KCNK13: variants seen among roughly 807,000 people sequenced by gnomAD.
KCNK13 encodes potassium two pore domain channel subfamily K member 13.
In KCNK13, 12 loss-of-function variants were observed where a neutral mutation model predicts 23.4. The observed-to-expected ratio is 0.51, with a 90% CI of 0.33 to 0.83. The LOEUF (loss-of-function observed/expected upper bound fraction) is 0.83. Ranked by LOEUF, KCNK13 falls within the 40% of genes least tolerant of loss-of-function variation. The pLI, the probability that KCNK13 is intolerant of heterozygous loss-of-function variation, is 0.02. For synonymous variants in KCNK13, 231 were observed against 229.5 expected (o/e 1.01, Z -0.06); for missense variants, 463 against 556.3 (o/e 0.83, Z 1.69).
intron 1 of KCNK13, among the ~76,000 whole-genome samples, chr14:90,123,323 T>A (rs1156839849): frequency 6.6e-6 from 1 of 152,226 alleles, no homozygotes; most frequent in Non-Finnish European, 1.5e-5. Flanking sequence ...CTGAGACCTC[T>A]CTCCTTGGCT....
intron 1 of KCNK13, among the ~76,000 whole-genome samples, chr14:90,152,920 A>G (rs1242168390): frequency 1.3e-5 from 2 of 152,114 alleles, no homozygotes; most frequent in East Asian, 3.8e-4. Context: ...ATCATGCTGG[A>G]CTGCATTGTA....
chr14:90,179,550 C>T lies in KCNK13; in HGVS notation c.335-4561C>T, dbSNP rs1405739850. 2.6e-5 allele frequency among the ~76,000 whole-genome samples: 4 copies of T among 152,142 alleles called. No homozygotes were observed. The East Asian group carries it at 5.8e-4, about 22-fold the overall frequency. On this transcript the variant is annotated intron_variant, in intron 1 of 1. Coordinates refer to ENST00000282146, the MANE Select transcript of KCNK13 (RefSeq NM_022054.4). ...GCCCCAGAAATTACAAGCACATTAA[C>T]AGAGGTCTGAAATGATTTAAAGGAA... is the stretch of plus-strand genomic sequence containing the variant.
chr14:90,136,178 G>A lies in KCNK13; in HGVS notation c.335-47933G>A, dbSNP rs570503494. 3.3e-5 allele frequency among the ~76,000 whole-genome samples: 5 copies of A among 152,216 alleles called. No homozygotes were observed. In the East Asian group the frequency reaches 9.7e-4, roughly 29 times the overall value. On this transcript the variant is annotated intron_variant, in intron 1 of 1. Transcript: ENST00000282146. Reference sequence around the variant, plus strand: ...GACAAGCAGAAGGCTGAACGTCAAGGAAGTTCATGCACATTGAGCTCACAT... The same window carrying A: ...GACAAGCAGAAGGCTGAACGTCAAGAAAGTTCATGCACATTGAGCTCACAT...
Position 90,158,676 on chromosome 14 carries a change from G to T in KCNK13, c.335-25435G>T, listed in dbSNP as rs563331613. On this transcript the variant is annotated intron_variant, in intron 1 of 1. Coordinates refer to ENST00000282146, the MANE Select transcript of KCNK13 (RefSeq NM_022054.4). ...GTAGGTGGGGTAGAGGAGGGAGAAGGTTCCCTTCCTCCCTTCCTGCCTGCC... is the reference window on the plus strand; with the variant it reads ...GTAGGTGGGGTAGAGGAGGGAGAAGTTTCCCTTCCTCCCTTCCTGCCTGCC... 1.6e-4 allele frequency among the ~76,000 whole-genome samples: 25 copies of T among 152,314 alleles called. 1 individual carries two copies. The highest frequency in any genetic ancestry group is 8.3e-4 in the South Asian group (4 of 4,824).
At chr14:90,064,127 C>T (rs2140384932) in intron 1 of KCNK13, among the ~76,000 whole-genome samples, 1 of 152,312 alleles carries the variant, frequency 6.6e-6, no homozygotes, top group South Asian at 2.1e-4. Flanking sequence ...CCTCCCACGT[C>T]CCAGAAGACA....
chr14:90,165,454 G>A (rs559200657), intron 1 of KCNK13, among the ~76,000 whole-genome samples: 18 of 152,240 alleles, frequency 1.2e-4, no homozygotes, highest in African/African-American at 4.3e-4. Context: ...TTGGCCCAGA[G>A]GTCCATCAAA....
At chr14:90,147,823 T>TCA (rs1890089855) in intron 1 of KCNK13, among the ~76,000 whole-genome samples, 1 of 152,224 alleles carries the variant, frequency 6.6e-6, no homozygotes, top group South Asian at 2.1e-4. Flanking sequence ...ACTGACTGCA[T>TCA]AGGTCTTTCT....
At chr14:90,147,170 T>C (rs1890082364) in intron 1 of KCNK13, among the ~76,000 whole-genome samples, 1 of 152,208 alleles carries the variant, frequency 6.6e-6, no homozygotes, top group African/African-American at 2.4e-5. Flanking sequence ...TTTAGTTGTT[T>C]AAGAAAGGAG....
intron 1 of KCNK13, chr14:90,107,882 G>A (rs1596781021): frequency 2.5e-6 from 2 of 794,004 alleles, no homozygotes; most frequent in South Asian, 2.7e-5. Flanking sequence ...AGCAAGAATG[G>A]GGCCTTGAGT....
chr14:90,101,790 C>CAAAAAAAAAAAAAAAAAA lies in KCNK13; in HGVS notation c.334+39256_334+39273dup, dbSNP rs546423368. ...GGGCAACAGAGTGAGACTCCGTCTCCAAAAAAAAAAAAAAAAAAAAAACCT... is the reference window on the plus strand; with the variant it reads ...GGGCAACAGAGTGAGACTCCGTCTCCAAAAAAAAAAAAAAAAAAAAAAAAAAAAAAAAAAAAAAAACCT... On this transcript the variant is annotated intron_variant, in intron 1 of 1. Coordinates refer to ENST00000282146, the MANE Select transcript of KCNK13 (RefSeq NM_022054.4). Among the ~76,000 whole-genome samples the CAAAAAAAAAAAAAAAAAA allele has an allele frequency of 4.5e-3, 250 of 55,560 alleles. 20 individuals are homozygous for CAAAAAAAAAAAAAAAAAA. Among genetic ancestry groups the CAAAAAAAAAAAAAAAAAA allele is most frequent in the Non-Finnish European group, 5.5e-3 (157 of 28,292 alleles). The allele number at this position is 55,560 out of a possible 152,430, so 36.4% of individuals were successfully genotyped here.
intron 1 of KCNK13, among the ~76,000 whole-genome samples, chr14:90,118,207 G>C (rs1889699164): frequency 6.6e-6 from 1 of 152,154 alleles, no homozygotes; most frequent in South Asian, 2.1e-4. Context: ...CTACATATGT[G>C]TACAGGAAAT....
chr14:90,163,758 C>T (rs773249329), intron 1 of KCNK13, among the ~76,000 whole-genome samples: 4 of 152,176 alleles, frequency 2.6e-5, no homozygotes, highest in South Asian at 4.1e-4. Context: ...GGTGCAATCT[C>T]GGCTCACTGC....
At chr14:90,125,864 A>G (rs1889793652) in intron 1 of KCNK13, among the ~76,000 whole-genome samples, 1 of 152,040 alleles carries the variant, frequency 6.6e-6, no homozygotes, top group South Asian at 2.1e-4. Flanking sequence ...CTCTACAGAA[A>G]AATACAAAAA....
intron 1 of KCNK13, among the ~76,000 whole-genome samples, chr14:90,113,790 G>A (rs781090830): frequency 5.7e-4 from 87 of 152,158 alleles, no homozygotes; most frequent in Non-Finnish European, 7.1e-4. Flanking sequence ...AAAATTAGCC[G>A]AGCATGGTGG....
chr14:90,151,910 T>C (rs1890137720), intron 1 of KCNK13, among the ~76,000 whole-genome samples: 1 of 152,262 alleles, frequency 6.6e-6, no homozygotes, highest in African/African-American at 2.4e-5. Context: ...CTTGGCACTT[T>C]CGTCAAAGAT....
intron 1 of KCNK13, among the ~76,000 whole-genome samples, chr14:90,101,491 G>T (rs147041741): frequency 6.6e-6 from 1 of 152,066 alleles, no homozygotes; most frequent in East Asian, 1.9e-4. Context: ...CTCTGGTGAT[G>T]GGTGCACCAA....
chr14:90,125,221 A>AT lies in KCNK13; in HGVS notation c.335-58876dup, dbSNP rs57748519. 3.2e-3 allele frequency among the ~76,000 whole-genome samples: 461 copies of AT among 144,288 alleles called. 1 individual carries two copies. Among genetic ancestry groups the AT allele is most frequent in the African/African-American group, 3.9e-3 (155 of 39,626 alleles). The allele number at this position is 144,288 out of a possible 152,430, so 94.7% of individuals were successfully genotyped here. A position where few individuals can be genotyped will look rare whatever the true frequency, so the allele number is the denominator to read the frequency against. The stretch of plus-strand genomic sequence containing the variant: ...CATCCCCAACCCCCAGATCTACTTA[A>AT]TTTTTTTTTTTTTTCTTTTTGAGAT... On this transcript the variant is annotated intron_variant, in intron 1 of 1. Transcript: ENST00000282146.
chr14:90,093,411 C>T (rs544576339), intron 1 of KCNK13, among the ~76,000 whole-genome samples: 53 of 152,254 alleles, frequency 3.5e-4, no homozygotes, highest in Non-Finnish European at 6.9e-4. Context: ...GTCCCATTTC[C>T]ACTTGATTTT....
At chr14:90,156,174 C>G (rs1490486287) in intron 1 of KCNK13, among the ~76,000 whole-genome samples, 2 of 143,448 alleles carry the variant, frequency 1.4e-5, no homozygotes, top group African/African-American at 5.2e-5. Context: ...CACTGCCCTC[C>G]AGCCTAGGTG....
Sources: allele counts gnomAD v4.1 joint callset (sites outside exome capture counted in the v4.1 genomes callset), GRCh38; gene constraint gnomAD v4.1.1; transcripts MANE v1.5; gene names NCBI Gene and HGNC (gene_info 2026-07-23, HGNC 2026-07-21).